The following SMYD4 variants were observed in gnomAD, a reference collection of about 807,000 sequenced individuals.
SMYD4 encodes the protein protein-lysine N-methyltransferase SMYD4.
SMYD4 carries 68 observed loss-of-function variants against 72.8 expected under a neutral mutation model. The ratio of observed to expected loss-of-function variants is 0.93; its 90% CI spans 0.77 to 1.14. SMYD4 has a LOEUF of 1.14. SMYD4 is among the 50% of genes most tolerant of loss of function. The pLI is 0.00. For synonymous variants in SMYD4, 407 were observed against 388.6 expected (o/e 1.05, Z -0.56); for missense variants, 984 against 1,003.7 (o/e 0.98, Z 0.27).
intron 4 of SMYD4, among the ~76,000 whole-genome samples, chr17:1,801,510 G>A (rs1206322067): frequency 6.6e-6 from 1 of 150,902 alleles, no homozygotes; most frequent in African/African-American, 2.4e-5. Flanking sequence ...AAAGTGCTGG[G>A]ATTACAGGCA....
chr17:1,818,766 G>C (rs532294631), intron 2 of SMYD4, among the ~76,000 whole-genome samples: 1 of 151,722 alleles, frequency 6.6e-6, no homozygotes, highest in African/African-American at 2.4e-5. Context: ...TCAGCCTCCC[G>C]AGTAGCTGGG....
Position 1,791,075 on chromosome 17 carries a change from C to T in SMYD4, c.1538-3471G>A, listed in dbSNP as rs180702588. On this transcript the variant is annotated intron_variant, in intron 5 of 10. Transcript: ENST00000305513. ...CCGGGAGGTGGAGCTTGCAGTGAGC[C>T]GAGATCGCGCCACTGCACTCCAGCC... 2.7e-3 allele frequency among the ~76,000 whole-genome samples: 368 copies of T among 135,770 alleles called. 5 individuals are homozygous for T. The highest frequency in any genetic ancestry group is 9.9e-3 in the African/African-American group (351 of 35,530). 89.1% of individuals were successfully genotyped at this position (135,770 alleles called of 152,430 possible).
rs112676610 is a variant in SMYD4, at chr17:1,801,302, G to A, written c.370-278C>T. On this transcript the variant is annotated intron_variant, in intron 4 of 10. Transcript: ENST00000305513. ...CGCCCAGGCTGGATTGCAGTGGTGC[G>A]ACCTTGGCTCACTGCAAGCTCCACC... is the stretch of plus-strand genomic sequence containing the variant. Among the ~76,000 whole-genome samples the A allele has an allele frequency of 1.4e-3, 208 of 151,854 alleles. 2 individuals carry two copies. Among genetic ancestry groups the A allele is most frequent in the African/African-American group, 4.5e-3 (187 of 41,414 alleles).
Position 1,787,557 on chromosome 17 carries a change from T to C in SMYD4, c.1585A>G (p.Thr529Ala). ...VTDSRQVRLA[T>A]GIFPVISLLN... The stretch of plus-strand genomic sequence containing the variant: ...AGGCTGATAACAGGGAAGATGCCTG[T>C]GGCAAGGCGCACCTGCCTGCTGTCG... The change falls in exon 6 of 11, where the codon ACA becomes GCA. Residue 529 changes from threonine (T) to alanine (A), a missense_variant. Thr to Ala is a moderately conservative substitution (Grantham distance 58, BLOSUM62 0). Transcript: ENST00000305513. 1 of 1,595,776 alleles carries C rather than the reference T, an allele frequency of 6.3e-7. No individual in the cohort carries two copies. The highest frequency in any genetic ancestry group is 8.5e-7 in the Non-Finnish European group (1 of 1,171,344).
chr17:1,816,382 G>C (rs990180346), intron 2 of SMYD4, among the ~76,000 whole-genome samples: 1 of 151,866 alleles, frequency 6.6e-6, no homozygotes, highest in Admixed American at 6.6e-5. Context: ...CACTTTGGGA[G>C]GCCGAGGCGG....
chr17:1,794,067 GTGTATATATA>G (rs1313568836), intron 5 of SMYD4, among the ~76,000 whole-genome samples: 1 of 23,358 alleles, frequency 4.3e-5, no homozygotes, highest in African/African-American at 1.3e-4. Flanking sequence ...GTATATATAT[GTGTATATATA>G]TGTGTATATA....
intron 6 of SMYD4, 91 bp from the exon 7 acceptor site, chr17:1,787,064 T>C (rs776267404): frequency 1.4e-6 from 2 of 1,475,418 alleles, no homozygotes; most frequent in Non-Finnish European, 1.8e-6. Context: ...GTCTGGACAA[T>C]TACCTATCAT....
chr17:1,796,991 A>G (rs781244382), intron 5 of SMYD4, among the ~76,000 whole-genome samples: 1 of 152,228 alleles, frequency 6.6e-6, no homozygotes, highest in Non-Finnish European at 1.5e-5. Flanking sequence ...GTGATTTAGT[A>G]GTATCATGGG....
intron 2 of SMYD4, among the ~76,000 whole-genome samples, chr17:1,816,174 C>T (rs1910582091): frequency 1.3e-5 from 2 of 152,138 alleles, no homozygotes; most frequent in South Asian, 4.1e-4. Flanking sequence ...CTCCATTCTG[C>T]TTTCTGCCTC....
chr17:1,827,326 G>A (rs1389039923), intron 2 of SMYD4, among the ~76,000 whole-genome samples: 1 of 147,380 alleles, frequency 6.8e-6, no homozygotes, highest in Non-Finnish European at 1.5e-5. Flanking sequence ...GTGACAGAGC[G>A]AGACAGTCTC....
At chr17:1,788,517 G>A (rs1023338492) in intron 5 of SMYD4, among the ~76,000 whole-genome samples, 6 of 151,920 alleles carry the variant, frequency 3.9e-5, no homozygotes, top group Admixed American at 6.6e-5. Context: ...AGGCCGAGGC[G>A]GGCAGATCAC....
chr17:1,799,260 CAA>C (rs1282407463), intron 5 of SMYD4, among the ~76,000 whole-genome samples: 4 of 94,700 alleles, frequency 4.2e-5, no homozygotes, highest in Admixed American at 1.1e-4. Context: ...GACTCCGTCT[CAA>C]AAAAAAAAAA....
At chr17:1,781,615 A>G in intron 10 of SMYD4, 176 bp from the exon 11 acceptor site, 3 of 645,476 alleles carry the variant, frequency 4.6e-6, no homozygotes, top group Non-Finnish European at 7.4e-6. Context: ...AGTGTGAGAA[A>G]ACAGTTATAA....
At chr17:1,794,648 G>A (rs1173963966) in intron 5 of SMYD4, among the ~76,000 whole-genome samples, 2 of 151,568 alleles carry the variant, frequency 1.3e-5, no homozygotes, top group Non-Finnish European at 2.9e-5. Flanking sequence ...CTTTTTGGGG[G>A]GCTGTCATCA....
chr17:1,784,202 T>A, intron 8 of SMYD4, 124 bp downstream of exon 8: 1 of 1,459,076 alleles, frequency 6.9e-7, no homozygotes, highest in Non-Finnish European at 9.3e-7. Flanking sequence ...AGCCATCTTG[T>A]GGCTGGCATG....
At chr17:1,807,225 C>A (rs1003868209) in intron 3 of SMYD4, among the ~76,000 whole-genome samples, 1 of 151,670 alleles carries the variant, frequency 6.6e-6, no homozygotes, top group Non-Finnish European at 1.5e-5. Flanking sequence ...TTGTTTGAAA[C>A]AGCAAAAGAC....
chr17:1,797,754 C>A (rs1179325379), intron 5 of SMYD4, among the ~76,000 whole-genome samples: 1 of 152,084 alleles, frequency 6.6e-6, no homozygotes, highest in African/African-American at 2.4e-5. Context: ...GTAATCCCAG[C>A]ACTTTGGGAG....
intron 4 of SMYD4, among the ~76,000 whole-genome samples, chr17:1,802,239 C>T (rs1909804555): frequency 6.6e-6 from 1 of 151,998 alleles, no homozygotes. Flanking sequence ...GCCTGTAATC[C>T]CAGCATTATG....
chr17:1,811,211 A>G (rs182620838), intron 3 of SMYD4, among the ~76,000 whole-genome samples: 2 of 152,086 alleles, frequency 1.3e-5, no homozygotes, highest in Admixed American at 6.6e-5. Flanking sequence ...GCCCATCTAT[A>G]TGCTCCCCTA....
Sources: gnomAD v4.1 joint callset for allele counts (sites outside exome capture counted in the v4.1 genomes callset) on GRCh38, gnomAD v4.1.1 for gene constraint, MANE v1.5 for transcripts, NCBI Gene and HGNC (gene_info 2026-07-23, HGNC 2026-07-21) for gene names.